Variants in PKD2 observed in about 807,000 individuals in gnomAD.
The protein encoded by PKD2 is polycystin-2.
Under a neutral mutation model 105.9 loss-of-function variants are expected in PKD2, and 48 were observed. The observed-to-expected ratio is 0.45, with a 90% CI of 0.36 to 0.58. The LOEUF is 0.58. PKD2 is among the 20% of genes least tolerant of loss of function. The pLI, the probability that PKD2 is intolerant of heterozygous loss-of-function variation, is 0.00. For synonymous variants in PKD2, 464 were observed against 481.1 expected (o/e 0.96, Z 0.46); for missense variants, 1,078 against 1,255.3 (o/e 0.86, Z 2.13).
At chr4:88,042,486 A>G (rs1246407343) in intron 4 of PKD2, among the ~76,000 whole-genome samples, 4 of 152,200 alleles carry the variant, frequency 2.6e-5, no homozygotes, top group African/African-American at 9.6e-5. Flanking sequence ...CAGCCAACCC[A>G]TATGACCATT....
chr4:88,046,722 C>G lies in PKD2; in HGVS notation c.1400C>G (p.Thr467Arg). 1 of 1,613,624 alleles carries G rather than the reference C, an allele frequency of 6.2e-7. No individual in the cohort carries two copies. Among genetic ancestry groups the G allele is most frequent in the Non-Finnish European group, 8.5e-7 (1 of 1,179,540 alleles). Reference sequence around the variant, plus strand: ...CCTTTAAAGCTGATCCGATATGTCACAACTTTTGATTTCTTCCTGGCAGCC... The same window carrying G: ...CCTTTAAAGCTGATCCGATATGTCAGAACTTTTGATTTCTTCCTGGCAGCC... ...FQPLKLIRYV[T>R]TFDFFLAACE... The change falls in exon 6 of 15, where the codon ACA becomes AGA. Residue 467 changes from threonine to arginine, a missense_variant. Transcript: ENST00000237596.
chr4:88,074,448 T>A lies in PKD2; in HGVS notation c.2523-364T>A, dbSNP rs1387963264. 3.3e-5 allele frequency among the ~76,000 whole-genome samples: 5 copies of A among 152,194 alleles called. No homozygotes were observed. The South Asian group carries it at 1.0e-3, about 32-fold the overall frequency. Reference sequence around the variant, plus strand: ...CCATCATGCCCTACCCCCCCATCAATTGTTTGATGTAGCCATTTTTCAATG... The same window carrying A: ...CCATCATGCCCTACCCCCCCATCAAATGTTTGATGTAGCCATTTTTCAATG... On this transcript the variant is annotated intron_variant, in intron 13 of 14. Transcript: ENST00000237596.
rs1373467468 is a variant in PKD2 at position 88,076,030 on chromosome 4, G to A, written c.*336G>A. On this transcript the variant is annotated 3_prime_UTR_variant, in exon 15 of 15. Transcript: ENST00000237596. ...TTTTAAAGCTAGAAAACTGTCAAAG[G>A]GCTTCTGAGTTTCATTTCCAGTCAC... The A allele has an allele frequency of 3.3e-5, 9 of 271,004 alleles. No individual in the cohort carries two copies. Among genetic ancestry groups the A allele is most frequent in the Non-Finnish European group, 6.4e-5 (9 of 140,976 alleles). 16.8% of individuals were successfully genotyped at this position (271,004 alleles called of 1,614,324 possible). A position where few individuals can be genotyped will look rare whatever the true frequency, so the allele number is the denominator to read the frequency against.
intron 1 of PKD2, among the ~76,000 whole-genome samples, chr4:88,009,298 C>T (rs1726308065): frequency 1.3e-5 from 2 of 152,152 alleles, no homozygotes; most frequent in South Asian, 4.1e-4. Flanking sequence ...TTAAGAGTTT[C>T]CATTCTCAGT....
At chr4:88,065,722 C>A in intron 11 of PKD2, 40 bp from the exon 12 acceptor site, 1 of 1,446,856 alleles carries the variant, frequency 6.9e-7, no homozygotes, top group South Asian at 1.1e-5. Flanking sequence ...GAACTGGGTA[C>A]AAGGAATGAT....
At position 88,007,773 on chromosome 4, in the gene PKD2, G is replaced by T. The variant is rs1166035431; in HGVS notation, c.40G>T (p.Asp14Tyr). 1.7e-6 allele frequency: 2 copies of T among 1,177,828 alleles called. No individual in the cohort carries two copies. The highest frequency in any genetic ancestry group is 2.1e-6 in the Non-Finnish European group (2 of 945,224). 73.0% of individuals were successfully genotyped at this position (1,177,828 alleles called of 1,614,324 possible). A position where few individuals can be genotyped will look rare whatever the true frequency, so the allele number is the denominator to read the frequency against. ...TCGCGTGCAGCCTCAGCAGCCCGGG[G>T]ACGCCAAGCGGCCGCCCGCGCCCCG... is the stretch of plus-strand genomic sequence containing the variant. ...SSRVQPQQPG[D>Y]AKRPPAPRAP... The change falls in exon 1 of 15, where the codon GAC becomes TAC. Residue 14 changes from aspartate to tyrosine, a missense_variant. This residue lies in a region of PKD2 where 210 missense variants were observed against 187.9 expected (regional missense o/e 1.12). Coordinates refer to ENST00000237596, the MANE Select transcript of PKD2 (RefSeq NM_000297.4).
At chr4:88,063,269 G>C (rs971244807) in intron 10 of PKD2, among the ~76,000 whole-genome samples, 1 of 152,206 alleles carries the variant, frequency 6.6e-6, no homozygotes, top group Non-Finnish European at 1.5e-5. Flanking sequence ...AAGAGAATGG[G>C]TGCAGTGGCT....
intron 2 of PKD2, among the ~76,000 whole-genome samples, chr4:88,030,476 G>A (rs1361502637): frequency 2.6e-5 from 4 of 152,158 alleles, no homozygotes; most frequent in East Asian, 1.9e-4. Context: ...TAATAGGCTG[G>A]CATTTTACTT....
At chr4:88,033,291 G>T (rs146371148) in intron 2 of PKD2, among the ~76,000 whole-genome samples, 1 of 152,190 alleles carries the variant, frequency 6.6e-6, no homozygotes, top group African/African-American at 2.4e-5. Context: ...GCTGGCCATG[G>T]TGATGCATGC....
chr4:88,068,250 C>T (rs2110141644), intron 13 of PKD2, among the ~76,000 whole-genome samples, 189 bp downstream of exon 13: 1 of 152,232 alleles, frequency 6.6e-6, no homozygotes, highest in East Asian at 1.9e-4. Context: ...GCAGGCAGGT[C>T]ATGAGGTCAG....
chr4:88,025,385 A>G (rs974505513), intron 2 of PKD2, among the ~76,000 whole-genome samples: 2 of 152,102 alleles, frequency 1.3e-5, no homozygotes, highest in African/African-American at 4.8e-5. Context: ...TTGAGGCTGC[A>G]GTGAGCTATG....
chr4:88,066,273 G>A (rs188050889), intron 12 of PKD2, among the ~76,000 whole-genome samples: 11 of 152,158 alleles, frequency 7.2e-5, no homozygotes, highest in African/African-American at 1.2e-4. Context: ...CACAATGTCC[G>A]TGAGAGTGAA....
chr4:88,038,485 C>T lies in PKD2; in HGVS notation c.1078C>T (p.Pro360Ser). Residue 360 changes from proline to serine, a missense_variant, in exon 4 of 15, where the codon CCC (proline) becomes TCC (serine). Transcript: ENST00000237596. The part of the protein sequence containing the change: ...VSSEDRAPFG[P>S]RNGTAWIYTS... ...TAGTGAAGATAGGGCTCCCTTTGGG[C>T]CCCGAAATGGAACCGCGTAAGTGTC... 6.2e-7 allele frequency: 1 copy of T among 1,613,786 alleles called. No homozygotes were observed. Among genetic ancestry groups the T allele is most frequent in the South Asian group, 1.1e-5 (1 of 91,080 alleles).
chr4:88,014,568 T>C (rs1726497997), intron 1 of PKD2, among the ~76,000 whole-genome samples: 1 of 151,920 alleles, frequency 6.6e-6, no homozygotes, highest in Non-Finnish European at 1.5e-5. Context: ...TGGACAAATA[T>C]AGATAAAAAG....
chr4:88,039,247 C>T (rs1727461335), intron 4 of PKD2, among the ~76,000 whole-genome samples: 1 of 152,174 alleles, frequency 6.6e-6, no homozygotes, highest in African/African-American at 2.4e-5. Flanking sequence ...TTCTTGGAAA[C>T]TGAGTTGCCC....
chr4:88,016,880 T>G (rs912469693), intron 1 of PKD2, among the ~76,000 whole-genome samples: 1 of 151,674 alleles, frequency 6.6e-6, no homozygotes, highest in Non-Finnish European at 1.5e-5. Context: ...GCAGGAGGAT[T>G]GTTTGAGCCC....
At chr4:88,063,356 AC>A (rs1182999814) in intron 10 of PKD2, among the ~76,000 whole-genome samples, 1 of 152,142 alleles carries the variant, frequency 6.6e-6, no homozygotes, top group Non-Finnish European at 1.5e-5. Flanking sequence ...ACATGGTGAA[AC>A]CCCATCTCTA....
intron 3 of PKD2, among the ~76,000 whole-genome samples, chr4:88,036,845 C>T (rs142997400): frequency 8.5e-5 from 13 of 152,292 alleles, no homozygotes; most frequent in African/African-American, 3.1e-4. Context: ...TGTCTTGCTT[C>T]GCCTTTTGTG....
intron 12 of PKD2, among the ~76,000 whole-genome samples, chr4:88,067,597 A>G (rs1720842717): frequency 6.6e-6 from 1 of 152,104 alleles, no homozygotes; most frequent in African/African-American, 2.4e-5. Context: ...CAGCCTCCCA[A>G]AGTATTAGGA....
Sources: allele counts gnomAD v4.1 joint callset (sites outside exome capture counted in the v4.1 genomes callset), GRCh38; gene constraint gnomAD v4.1.1; regional missense constraint gnomAD v4.1.1; transcripts MANE v1.5; gene names NCBI Gene and HGNC (gene_info 2026-07-23, HGNC 2026-07-21).